The following CDH18 variants were observed in gnomAD, a reference collection of about 807,000 sequenced individuals.
CDH18 encodes the protein cadherin-18.
Under a neutral mutation model 67.9 loss-of-function variants are expected in CDH18, and 31 were observed. The observed-to-expected ratio is 0.46, with a 90% CI of 0.34 to 0.62. The LOEUF (loss-of-function observed/expected upper bound fraction) is 0.62, where lower values mean the gene tolerates loss of function less well. CDH18 is among the 20% of genes least tolerant of loss of function. The pLI, the probability that CDH18 is intolerant of heterozygous loss-of-function variation, is 0.01. For missense variants in CDH18, 890 were observed against 975.5 expected (o/e 0.91, Z 1.17); for synonymous variants, 362 against 347.2 (o/e 1.04, Z -0.48).
chr5:20,088,908 G>A (rs1020063909), intron 2 of CDH18, among the ~76,000 whole-genome samples: 1 of 152,030 alleles, frequency 6.6e-6, no homozygotes, highest in Non-Finnish European at 1.5e-5. Context: ...CTTTCAGAAC[G>A]ATGGAAAGGG....
At chr5:19,736,741 G>T (rs537046906) in intron 4 of CDH18, among the ~76,000 whole-genome samples, 1 of 152,196 alleles carries the variant, frequency 6.6e-6, no homozygotes, top group East Asian at 1.9e-4. Flanking sequence ...TAAACTTAGA[G>T]AGTAGCACCG....
chr5:19,851,547 G>A (rs1018394846), intron 2 of CDH18, among the ~76,000 whole-genome samples: 3 of 151,370 alleles, frequency 2.0e-5, no homozygotes, highest in African/African-American at 7.3e-5. Context: ...AACAAGCAGA[G>A]TAAATGAAAG....
chr5:19,532,060 A>G (rs1428299928), intron 9 of CDH18, among the ~76,000 whole-genome samples: 1 of 152,192 alleles, frequency 6.6e-6, no homozygotes, highest in Non-Finnish European at 1.5e-5. Flanking sequence ...TAAAATGGTA[A>G]TTTTACTATG....
intron 2 of CDH18, among the ~76,000 whole-genome samples, chr5:20,122,556 C>A (rs1409719829): frequency 2.0e-5 from 3 of 151,930 alleles, no homozygotes; most frequent in Non-Finnish European, 4.4e-5. Context: ...CTTGACGTGA[C>A]TGATTAATAT....
intron 2 of CDH18, among the ~76,000 whole-genome samples, chr5:20,072,486 G>T (rs2150527364): frequency 6.6e-6 from 1 of 152,106 alleles, no homozygotes; most frequent in East Asian, 1.9e-4. Context: ...AGTAACAACT[G>T]AAATGGACTT....
At chr5:20,291,498 C>A (rs868221271) in intron 1 of CDH18, among the ~76,000 whole-genome samples, 1 of 152,140 alleles carries the variant, frequency 6.6e-6, no homozygotes, top group Admixed American at 6.5e-5. Context: ...AAGACCATTG[C>A]AGCATGAGGA....
intron 2 of CDH18, among the ~76,000 whole-genome samples, chr5:20,194,288 GC>G (rs1561866682): frequency 6.6e-6 from 1 of 152,032 alleles, no homozygotes; most frequent in Non-Finnish European, 1.5e-5. Context: ...AAATCAATGT[GC>G]AAAAATCAGA....
At chr5:19,842,774 G>GT (rs1782483585) in intron 2 of CDH18, among the ~76,000 whole-genome samples, 1 of 152,118 alleles carries the variant, frequency 6.6e-6, no homozygotes, top group Non-Finnish European at 1.5e-5. Context: ...CTAGACACTT[G>GT]TTGAACGGTT....
At chr5:20,361,124 C>T (rs1350029436) in intron 1 of CDH18, among the ~76,000 whole-genome samples, 3 of 151,812 alleles carry the variant, frequency 2.0e-5, no homozygotes, top group Non-Finnish European at 2.9e-5. Flanking sequence ...ATGCTTTCTA[C>T]CAAATTTAGA....
At chr5:19,748,060 C>CCGAGAT (rs1770298958) in intron 3 of CDH18, among the ~76,000 whole-genome samples, 1 of 130,538 alleles carries the variant, frequency 7.7e-6, no homozygotes, top group African/African-American at 2.9e-5. Context: ...TTGCAGTGAG[C>CCGAGAT]CGAGATCGCG....
chr5:19,489,494 C>G (rs536104219), intron 11 of CDH18, among the ~76,000 whole-genome samples: 12 of 151,956 alleles, frequency 7.9e-5, no homozygotes, highest in South Asian at 4.2e-4. Flanking sequence ...TGATCTGCCC[C>G]CCTTGGCCTC....
rs56003449 is a variant in CDH18, at chr5:20,299,403, T to TAC, written c.-579-43900_-579-43899dup. ...AAAGCCCCAAATCATCAACATTAGC[T>TAC]ACACACACACACACACACACACACA... is the stretch of plus-strand genomic sequence containing the variant. On this transcript the variant is annotated intron_variant, in intron 1 of 14. Coordinates refer to the CDH18 transcript ENST00000507958. Among the ~76,000 whole-genome samples the TAC allele has an allele frequency of 7.9e-3, 1,091 of 138,728 alleles. 5 individuals carry two copies. The highest frequency in any genetic ancestry group is 0.021 in the African/African-American group (773 of 37,430). The allele number at this position is 138,728 out of a possible 152,430, so 91.0% of individuals were successfully genotyped here.
At chr5:19,563,802 A>G (rs1439742454) in intron 8 of CDH18, among the ~76,000 whole-genome samples, 1 of 152,290 alleles carries the variant, frequency 6.6e-6, no homozygotes, top group Non-Finnish European at 1.5e-5. Context: ...ACACTATATT[A>G]ATGAATGGGG....
intron 1 of CDH18, among the ~76,000 whole-genome samples, chr5:20,322,709 A>G (rs1039733649): frequency 6.6e-6 from 1 of 152,174 alleles, no homozygotes; most frequent in Non-Finnish European, 1.5e-5. Flanking sequence ...GCAAGAAAAA[A>G]AATATAATTC....
intron 2 of CDH18, among the ~76,000 whole-genome samples, chr5:20,224,230 G>A (rs1741437272): frequency 6.6e-6 from 1 of 151,970 alleles, no homozygotes; most frequent in South Asian, 2.1e-4. Context: ...TAGAAATATA[G>A]GTCAAGTATT....
intron 1 of CDH18, among the ~76,000 whole-genome samples, chr5:20,263,298 GA>G (rs1023184907): frequency 6.6e-5 from 10 of 150,582 alleles, no homozygotes; most frequent in Admixed American, 2.0e-4. Flanking sequence ...CGTAGTGTCA[GA>G]AAAAAAAATG....
chr5:19,473,335 G>T lies in CDH18; in HGVS notation c.2264C>A (p.Ser755Ter). The T allele has an allele frequency of 6.2e-7, 1 of 1,613,880 alleles. No individual in the cohort carries two copies. ...SEAGSISSLD[S>*]ATTQSDQDYH... The stretch of plus-strand genomic sequence containing the variant: ...ATCCTGGTCTGATTGTGTCGTTGCT[G>T]AATCCAGCGAGCTGATAGACCCAGC... Residue 755 changes from serine to a stop codon, truncating the protein, a stop_gained, in exon 13 of 13, where the codon TCA (serine) becomes TAA (stop). Coordinates refer to ENST00000382275, the MANE Select transcript of CDH18 (RefSeq NM_004934.5). LOFTEE classifies it high-confidence loss of function.
intron 1 of CDH18, among the ~76,000 whole-genome samples, chr5:20,257,036 G>A (rs1007074155): frequency 5.9e-5 from 9 of 151,472 alleles, no homozygotes; most frequent in Admixed American, 3.3e-4. Flanking sequence ...ACTTATCAGG[G>A]CAAAACTTTC....
chr5:19,717,941 C>A (rs551318616), intron 5 of CDH18, among the ~76,000 whole-genome samples: 3 of 151,918 alleles, frequency 2.0e-5, no homozygotes, highest in Non-Finnish European at 4.4e-5. Context: ...TTGGTACACA[C>A]TGAACACAAA....
Sources: gnomAD v4.1 joint callset for allele counts (sites outside exome capture counted in the v4.1 genomes callset) on GRCh38, gnomAD v4.1.1 for gene constraint, MANE v1.5 for transcripts, NCBI Gene and HGNC (gene_info 2026-07-23, HGNC 2026-07-21) for gene names.